Variants in VSX2 observed in about 807,000 individuals in gnomAD.
The protein encoded by VSX2 is ceh-10 homeo domain containing homolog.
In VSX2, 28 loss-of-function variants were observed where a neutral mutation model predicts 32.1. The observed-to-expected ratio is 0.87, with a 90% CI of 0.65 to 1.20. The LOEUF (loss-of-function observed/expected upper bound fraction) is 1.20, where lower values mean the gene tolerates loss of function less well. Among genes scored for constraint, VSX2 ranks in the 50% most tolerant of loss-of-function variants. VSX2 has a pLI of 0.00. For synonymous variants in VSX2, 243 were observed against 214.1 expected (o/e 1.14, Z -1.18); for missense variants, 506 against 488.7 (o/e 1.04, Z -0.33).
chr14:74,239,453 T>G lies in VSX2; in HGVS notation c.-109T>G. ...GGGAATCTCCTTGGGCTCCAGAGCA[T>G]TAGACACCGGAGGGGGCACCTGGGA... On this transcript the variant is annotated 5_prime_UTR_variant, in exon 1 of 5. Coordinates refer to ENST00000261980, the MANE Select transcript of VSX2 (RefSeq NM_182894.3). 1 of 1,474,284 alleles carries G rather than the reference T, an allele frequency of 6.8e-7. No homozygotes were observed. Among genetic ancestry groups the G allele is most frequent in the East Asian group, 2.5e-5 (1 of 40,540 alleles). 91.3% of individuals were successfully genotyped at this position (1,474,284 alleles called of 1,614,324 possible).
Position 74,239,762 on chromosome 14 carries a change from G to C in VSX2, c.201G>C (p.Val67=), listed in dbSNP as rs893692764. The part of the protein sequence containing the change: ...APGHLLAARS[V]LSPAGVGGMG... The stretch of plus-strand genomic sequence containing the variant: ...GGCACTTGCTGGCGGCGCGCTCAGT[G>C]CTCAGCCCCGCGGGGGTGGGCGGCA... Residue 67 remains valine (V), a synonymous_variant, in exon 1 of 5, where the codon GTG becomes GTC. Transcript: ENST00000261980. The C allele has an allele frequency of 2.6e-6, 4 of 1,553,418 alleles. No individual in the cohort carries two copies. The African/African-American group carries it at 5.4e-5, about 21-fold the overall frequency.
chr14:74,260,983 G>T lies in VSX2; in HGVS notation c.*64G>T. 6.5e-7 allele frequency: 1 copy of T among 1,533,852 alleles called. No individual in the cohort carries two copies. The highest frequency in any genetic ancestry group is 1.2e-5 in the South Asian group (1 of 83,492). ...CTCTCCTCGGGCCCTGTGGTGCTGG[G>T]AGATGCTCTCTGAGGCAAGGCCCAG... On this transcript the variant is annotated 3_prime_UTR_variant, in exon 5 of 5. Coordinates refer to ENST00000261980, the MANE Select transcript of VSX2 (RefSeq NM_182894.3).
At position 74,241,173 on chromosome 14, in the gene VSX2, G is replaced by T. The variant is rs753951803; in HGVS notation, c.371-9G>T. The T allele has an allele frequency of 6.2e-7, 1 of 1,612,752 alleles. No individual in the cohort carries two copies. The highest frequency in any genetic ancestry group is 1.1e-5 in the South Asian group (1 of 91,082). On this transcript the variant is annotated splice_polypyrimidine_tract_variant and intron_variant, in intron 1 of 4. Transcript: ENST00000261980. ...CACTCTGCCGCATGTCCCTACGCCC[G>T]CTTTTCAGATTCTGAAGATGTTTCC...
intron 3 of VSX2, among the ~76,000 whole-genome samples, chr14:74,258,528 G>GC (rs1566888084): frequency 1.3e-5 from 2 of 152,244 alleles, no homozygotes; most frequent in South Asian, 4.2e-4. Context: ...GCGACTCGCT[G>GC]CCCCCGGGGT....
intron 3 of VSX2, among the ~76,000 whole-genome samples, chr14:74,249,756 T>C (rs1254250855): frequency 6.6e-6 from 1 of 152,136 alleles, no homozygotes; most frequent in Admixed American, 6.6e-5. Context: ...ACTGTAATAA[T>C]GCAAAGAACA....
chr14:74,260,551 C>T, intron 4 of VSX2, 43 bp from the exon 5 acceptor site: 1 of 1,554,664 alleles, frequency 6.4e-7, no homozygotes, highest in Non-Finnish European at 8.7e-7. Flanking sequence ...AGATGGCTTT[C>T]CCAGGCGCTT....
chr14:74,258,383 C>T (rs2079281153), intron 3 of VSX2, among the ~76,000 whole-genome samples: 1 of 152,114 alleles, frequency 6.6e-6, no homozygotes, highest in Non-Finnish European at 1.5e-5. Flanking sequence ...AAAGCTGATA[C>T]CTCTGCCGCG....
intron 4 of VSX2, 94 bp downstream of exon 4, chr14:74,259,876 G>C (rs1281153723): frequency 7.6e-6 from 10 of 1,317,084 alleles, no homozygotes; most frequent in Non-Finnish European, 1.0e-5. Flanking sequence ...GGGGCACTTG[G>C]GCCACAGCAG....
intron 3 of VSX2, among the ~76,000 whole-genome samples, chr14:74,253,696 C>T (rs1221824296): frequency 5.3e-5 from 8 of 152,142 alleles, no homozygotes; most frequent in Admixed American, 3.9e-4. Flanking sequence ...TTTCGGAGGC[C>T]GAGGCTGGCT....
At chr14:74,252,756 AC>A (rs1294624847) in intron 3 of VSX2, among the ~76,000 whole-genome samples, 1 of 151,590 alleles carries the variant, frequency 6.6e-6, no homozygotes, top group African/African-American at 2.4e-5. Flanking sequence ...GTATCAAGAA[AC>A]CCAGGCTTGT....
chr14:74,245,990 C>G (rs964823908), intron 3 of VSX2, among the ~76,000 whole-genome samples: 2 of 152,240 alleles, frequency 1.3e-5, no homozygotes, highest in African/African-American at 4.8e-5. Context: ...AGGCATGGGG[C>G]CTCCACTTAG....
intron 3 of VSX2, among the ~76,000 whole-genome samples, chr14:74,254,688 C>G (rs574606181): frequency 6.6e-6 from 1 of 152,086 alleles, no homozygotes; most frequent in Admixed American, 6.5e-5. Flanking sequence ...GTGTCTCTAC[C>G]GAAAACTAAC....
intron 3 of VSX2, among the ~76,000 whole-genome samples, chr14:74,254,784 A>ATTTTTTTTTTTTCTTTTTTTTTTTTTTTT (rs2079252325): frequency 8.6e-6 from 1 of 116,612 alleles, no homozygotes; most frequent in African/African-American, 3.3e-5. Flanking sequence ...CGAAAAGTGG[A>ATTTTTTTTTTTTCTTTTTTTTTTTTTTTT]TTTTTTTTTT....
At chr14:74,255,065 C>A (rs558403011) in intron 3 of VSX2, among the ~76,000 whole-genome samples, 4 of 152,090 alleles carry the variant, frequency 2.6e-5, no homozygotes, top group Non-Finnish European at 4.4e-5. Context: ...CAGGCGTGAA[C>A]CACTATGCCT....
At position 74,245,232 on chromosome 14, in the gene VSX2, G is replaced by A. The variant is rs777493485; in HGVS notation, c.523G>A (p.Val175Ile). Residue 175 changes from valine (V) to isoleucine (I), a missense_variant, in exon 3 of 5, where the codon GTC becomes ATC. By Grantham distance (29) the Val-to-Ile change is conservative. Coordinates refer to ENST00000261980, the MANE Select transcript of VSX2 (RefSeq NM_182894.3). ...KAFNEAHYPD[V>I]YAREMLAMKT... ...ATTCAACGAAGCCCACTACCCAGAC[G>A]TCTATGCCCGGGAGATGCTGGCCAT... is the stretch of plus-strand genomic sequence containing the variant. 18 of 1,613,554 alleles carry A rather than the reference G, an allele frequency of 1.1e-5. No homozygotes were observed. Among genetic ancestry groups the A allele is most frequent in the Admixed American group, 5.0e-5 (3 of 59,944 alleles).
At chr14:74,251,762 A>G (rs540722581) in intron 3 of VSX2, among the ~76,000 whole-genome samples, 2 of 152,294 alleles carry the variant, frequency 1.3e-5, no homozygotes, top group South Asian at 4.1e-4. Flanking sequence ...TCTGAGCCTT[A>G]GGCTGGGCTG....
In VSX2 at chr14:74,260,700, C is replaced by T. The variant is rs906915228; in HGVS notation, c.867C>T (p.Gly289=). ...KLDKMEQDER[G]PDAQAAISQE... ...ACAAGATGGAGCAGGACGAGCGGGG[C>T]CCCGACGCTCAGGCGGCCATCTCCC... The change falls in exon 5 of 5, where the codon GGC becomes GGT. Residue 289 remains glycine (G), a synonymous_variant. Transcript: ENST00000261980. 1.9e-6 allele frequency: 3 copies of T among 1,594,186 alleles called. No homozygotes were observed. Among genetic ancestry groups the T allele is most frequent in the African/African-American group, 1.3e-5 (1 of 74,698 alleles).
At chr14:74,246,191 A>G (rs1221679300) in intron 3 of VSX2, among the ~76,000 whole-genome samples, 1 of 152,226 alleles carries the variant, frequency 6.6e-6, no homozygotes, top group African/African-American at 2.4e-5. Context: ...AGCTGCTCCC[A>G]TCGCCTGAGC....
chr14:74,256,607 C>T (rs1321800825), intron 3 of VSX2, among the ~76,000 whole-genome samples: 1 of 151,972 alleles, frequency 6.6e-6, no homozygotes, highest in East Asian at 1.9e-4. Context: ...TCTGGAATTC[C>T]ATCACCAGGG....
Sources: gnomAD v4.1 joint callset for allele counts (sites outside exome capture counted in the v4.1 genomes callset) on GRCh38, gnomAD v4.1.1 for gene constraint, MANE v1.5 for transcripts, NCBI Gene and HGNC (gene_info 2026-07-23, HGNC 2026-07-21) for gene names.